The following FLNC variants were observed in gnomAD, a reference collection of about 807,000 sequenced individuals.
FLNC encodes filamin C, also known as filamin-C.
A neutral mutation model predicts 254.3 loss-of-function variants in FLNC; 91 were observed. That is an observed-to-expected ratio of 0.36 (90% confidence interval 0.30 to 0.43). The LOEUF (loss-of-function observed/expected upper bound fraction) is 0.43, where lower values mean the gene tolerates loss of function less well. Among genes scored for constraint, FLNC ranks in the 20% least tolerant of loss-of-function variants. The pLI is 1.00. For missense variants in FLNC, 2,853 were observed against 3,802.6 expected, an observed-to-expected ratio of 0.75 and a Z score of 6.57; for synonymous variants, 1,430 against 1,577.2, an observed-to-expected ratio of 0.91 and a Z score of 2.21.
At chr7:128,834,565 A>G (rs1449685575) in intron 1 of FLNC, among the ~76,000 whole-genome samples, 1 of 138,524 alleles carries the variant, frequency 7.2e-6, no homozygotes, top group Non-Finnish European at 1.5e-5. Context: ...GTCCTACCCC[A>G]CTCCAATTTC....
intron 1 of FLNC, among the ~76,000 whole-genome samples, chr7:128,831,747 A>T (rs1236716489): frequency 6.9e-6 from 1 of 143,996 alleles, no homozygotes; most frequent in Non-Finnish European, 1.5e-5. Flanking sequence ...AGGGAGGGAA[A>T]GGCCTGTGGA....
chr7:128,853,380 C>T, intron 37 of FLNC, 89 bp from the exon 38 acceptor site: 1 of 1,540,154 alleles, frequency 6.5e-7, no homozygotes, highest in South Asian at 1.1e-5. Context: ...GGTGCCCATT[C>T]TGGGTGGAGC....
In FLNC at chr7:128,837,967, A is replaced by G. The variant is rs751696900; in HGVS notation, c.970-20A>G. 27 of 1,610,560 alleles carry G rather than the reference A, an allele frequency of 1.7e-5. No homozygotes were observed. The highest frequency in any genetic ancestry group is 2.2e-5 in the East Asian group (1 of 44,858). ...GCTATGGTCATTGGAGAGGCTTCCA[A>G]TCTTTTTCCTTCCTAATAGGCTAAG... is the stretch of plus-strand genomic sequence containing the variant. On this transcript the variant is annotated intron_variant, in intron 5 of 47. Coordinates refer to ENST00000325888, the MANE Select transcript of FLNC (RefSeq NM_001458.5).
rs1808181668 is a variant in FLNC, at chr7:128,838,253, C to T, written c.1048-14C>T. 6.2e-7 allele frequency: 1 copy of T among 1,613,428 alleles called. No individual in the cohort carries two copies. The highest frequency in any genetic ancestry group is 1.7e-5 in the Admixed American group (1 of 60,012). On this transcript the variant is annotated splice_polypyrimidine_tract_variant and intron_variant, in intron 6 of 47. Coordinates refer to ENST00000325888, the MANE Select transcript of FLNC (RefSeq NM_001458.5). ...CTCTCCCCTAGAAGCTAACCTTTGA[C>T]CTCTGACCCCTAGGTGACCGTGCTC... is the stretch of plus-strand genomic sequence containing the variant.
Position 128,849,506 on chromosome 7 carries a change from C to T in FLNC, c.5127C>T (p.Pro1709=), listed in dbSNP as rs540345016. 104 of 1,614,060 alleles carry T rather than the reference C, an allele frequency of 6.4e-5. No individual in the cohort carries two copies. In the South Asian group the frequency reaches 1.0e-3, roughly 16 times the overall value. The part of the protein sequence containing the change: ...DGTFDIYYTA[P]EPGKYVITIR... ...CCTTTGACATCTACTACACAGCGCC[C>T]GAGCCGGGCAAGTACGTCATCACCA... The change falls in exon 30 of 48, where the codon CCC becomes CCT. Residue 1709 remains proline, a synonymous_variant. Transcript: ENST00000325888.
At position 128,838,053 on chromosome 7, in the gene FLNC, G is replaced by A. The variant is rs2128934339; in HGVS notation, c.1036G>A (p.Gly346Arg). 6.2e-7 allele frequency: 1 copy of A among 1,613,710 alleles called. No homozygotes were observed. The highest frequency in any genetic ancestry group is 8.5e-7 in the Non-Finnish European group (1 of 1,179,732). Residue 346 changes from glycine to arginine, a missense_variant, in exon 6 of 48, where the codon GGG becomes AGG. Gly to Arg is a moderately radical substitution (Grantham distance 125). This residue lies in a region of FLNC where 1,573 missense variants were observed against 1,883.5 expected (regional missense o/e 0.84). Coordinates refer to ENST00000325888, the MANE Select transcript of FLNC (RefSeq NM_001458.5). ...TGTCTCCTATGTGCCCAAGGTCGCT[G>A]GGTTACACAAGGTATCTCCCTCTAG... is the stretch of plus-strand genomic sequence containing the variant. ...YAVSYVPKVA[G>R]LHKVTVLFAG...
rs1341553799 is a variant in FLNC at position 128,858,882 on chromosome 7, G to A, written c.*359G>A. On this transcript the variant is annotated 3_prime_UTR_variant, in exon 48 of 48. Transcript: ENST00000325888. This position sits in a 1 kb window ranked among gnomAD's most constrained non-coding sequence, Gnocchi z 6.7. ...GGGGAGCATTGTGTTGTGGGTGTCT[G>A]TGTGTGAGGTCACCCTCAAACTGCA... The A allele has an allele frequency of 1.4e-5, 5 of 348,652 alleles. No individual in the cohort carries two copies. The East Asian group carries it at 3.0e-4, about 21-fold the overall frequency. 21.6% of individuals were successfully genotyped at this position (348,652 alleles called of 1,614,324 possible). A position where few individuals can be genotyped will look rare whatever the true frequency, so the allele number is the denominator to read the frequency against.
At position 128,837,234 on chromosome 7, in the gene FLNC, G is replaced by A. The variant is rs745775171; in HGVS notation, c.676G>A (p.Asp226Asn). ...CGCCCGGGAGGCCATGCAGCAGGCC[G>A]ACGACTGGCTTGGGGTGCCCCAGGT... ...ENAREAMQQA[D>N]DWLGVPQVIA... Residue 226 changes from aspartate (D) to asparagine (N), a missense_variant, in exon 3 of 48, where the codon GAC (aspartate) becomes AAC (asparagine). Transcript: ENST00000325888. The A allele has an allele frequency of 8.2e-6, 13 of 1,590,024 alleles. No individual in the cohort carries two copies. In the East Asian group the frequency reaches 9.1e-5, roughly 11 times the overall value.
In FLNC at chr7:128,830,956, C is replaced by T. The variant is rs1355522455; in HGVS notation, c.319C>T (p.Leu107Phe). 6.2e-7 allele frequency: 1 copy of T among 1,610,690 alleles called. No individual in the cohort carries two copies. Among genetic ancestry groups the T allele is most frequent in the South Asian group, 1.1e-5 (1 of 91,086 alleles). Residue 107 changes from leucine (L) to phenylalanine (F), a missense_variant, in exon 1 of 48, where the codon CTC (leucine) becomes TTC (phenylalanine). By Grantham distance (22) the Leu-to-Phe change is conservative. Around this residue, in one of 10 missense-constraint regions of FLNC, gnomAD observed 115 missense variants for 230.3 expected, o/e 0.50. Coordinates refer to ENST00000325888, the MANE Select transcript of FLNC (RefSeq NM_001458.5). ...LENVSVALEF[L>F]EREHIKLVSI... Reference sequence around the variant, plus strand: ...GAACGTGTCCGTGGCCCTCGAGTTCCTCGAGCGCGAGCACATCAAGCTCGT... The same window carrying T: ...GAACGTGTCCGTGGCCCTCGAGTTCTTCGAGCGCGAGCACATCAAGCTCGT...
chr7:128,855,166 C>A, intron 42 of FLNC, 33 bp from the exon 43 acceptor site: 1 of 1,493,208 alleles, frequency 6.7e-7, no homozygotes, highest in South Asian at 1.1e-5. Flanking sequence ...AACCTCCATC[C>A]CGGAACCTGT....
chr7:128,836,856 G>A lies in FLNC; in HGVS notation c.602-304G>A, dbSNP rs1015287359. The stretch of plus-strand genomic sequence containing the variant: ...ATAGCGAGAGGGGGTACCCTCCCAG[G>A]GTTTGGGGTTCAAGGTCTGAGCTGG... On this transcript the variant is annotated intron_variant, in intron 2 of 47. Transcript: ENST00000325888. The surrounding 1 kb of genome is among the most constrained non-coding windows in gnomAD (Gnocchi z 6.0). Among the ~76,000 whole-genome samples, 1 of 152,196 alleles carries A rather than the reference G, an allele frequency of 6.6e-6. No individual in the cohort carries two copies. The highest frequency in any genetic ancestry group is 2.4e-5 in the African/African-American group (1 of 41,452).
In FLNC at chr7:128,840,899, T is replaced by C. The variant is rs751485986; in HGVS notation, c.1742T>C (p.Leu581Ser). 1.9e-6 allele frequency: 3 copies of C among 1,613,450 alleles called. 1 individual carries two copies. In the South Asian group the frequency reaches 3.3e-5, roughly 18 times the overall value. ...AAGGTCCGGGCCTGGGGTCCTGGTT[T>C]GGAGACTGGCCAGGTGGGCAAGTCA... The part of the protein sequence containing the change: ...VQKVRAWGPG[L>S]ETGQVGKSAD... The change falls in exon 11 of 48, where the codon TTG becomes TCG. Residue 581 changes from leucine (L) to serine (S), a missense_variant. Physicochemically the swap from Leu to Ser is moderately radical, Grantham distance 145. Coordinates refer to ENST00000325888, the MANE Select transcript of FLNC (RefSeq NM_001458.5).
In FLNC at chr7:128,858,557, C is replaced by T. The variant is rs753462460; in HGVS notation, c.*34C>T. The T allele has an allele frequency of 2.9e-5, 42 of 1,450,548 alleles. No individual in the cohort carries two copies. The African/African-American group carries it at 5.5e-4, about 19-fold the overall frequency. 89.9% of individuals were successfully genotyped at this position (1,450,548 alleles called of 1,614,324 possible). A position where few individuals can be genotyped will look rare whatever the true frequency, so the allele number is the denominator to read the frequency against. On this transcript the variant is annotated 3_prime_UTR_variant, in exon 48 of 48. Coordinates refer to ENST00000325888, the MANE Select transcript of FLNC (RefSeq NM_001458.5). This position sits in a 1 kb window ranked among gnomAD's most constrained non-coding sequence, Gnocchi z 6.7. Reference sequence around the variant, plus strand: ...AGTGCCTCCCCAGCCTCAGCCCCCACCTCCAGCCACACACACATTACACAC... The same window carrying T: ...AGTGCCTCCCCAGCCTCAGCCCCCATCTCCAGCCACACACACATTACACAC...
Position 128,857,200 on chromosome 7 carries a change from G to T in FLNC, c.7644G>T (p.Val2548=), listed in dbSNP as rs1249860446. ...TCACCATTGATGGCCCCTCCAAGGT[G>T]CAGCTGGACTGTCGGGAGTGTCCTG... ...LSVTIDGPSK[V]QLDCRECPEG... is the part of the protein sequence containing the mutation. Residue 2548 remains valine, a synonymous_variant, in exon 46 of 48, where the codon GTG becomes GTT. Transcript: ENST00000325888. The surrounding 1 kb of genome is among the most constrained non-coding windows in gnomAD (Gnocchi z 4.5). The T allele has an allele frequency of 2.5e-6, 4 of 1,614,028 alleles. No homozygotes were observed. The highest frequency in any genetic ancestry group is 3.4e-6 in the Non-Finnish European group (4 of 1,180,016).
intron 25 of FLNC, 27 bp downstream of exon 25, chr7:128,847,891 G>C: frequency 6.2e-7 from 1 of 1,613,874 alleles, no homozygotes; most frequent in South Asian, 1.1e-5. Context: ...GCAGGGAGGA[G>C]GGAGGTGGGG....
intron 1 of FLNC, among the ~76,000 whole-genome samples, chr7:128,834,142 A>T (rs1421033680): frequency 1.3e-5 from 2 of 152,238 alleles, no homozygotes; most frequent in Non-Finnish European, 2.9e-5. Flanking sequence ...AGTAAACAAG[A>T]CTGTCTTCCA....
Position 128,846,116 on chromosome 7 carries a change from A to G in FLNC, c.3917A>G (p.Asp1306Gly). 6.2e-7 allele frequency: 1 copy of G among 1,614,018 alleles called. No individual in the cohort carries two copies. Among genetic ancestry groups the G allele is most frequent in the Admixed American group, 1.7e-5 (1 of 60,022 alleles). ...GCCAAGACAGACACCTATGTGACAGACAATGGGGACGGCACCTACCGAGTG... is the reference window on the plus strand; with the variant it reads ...GCCAAGACAGACACCTATGTGACAGGCAATGGGGACGGCACCTACCGAGTG... ...SGAKTDTYVTDNGDGTYRVQY... is the reference protein window; with the variant it reads ...SGAKTDTYVTGNGDGTYRVQY... The change falls in exon 22 of 48, where the codon GAC becomes GGC. Residue 1306 changes from aspartate (D) to glycine (G), a missense_variant. By Grantham distance (94) the Asp-to-Gly change is moderately conservative. Transcript: ENST00000325888.
chr7:128,831,384 C>T (rs1252067511), intron 1 of FLNC, among the ~76,000 whole-genome samples: 1 of 152,252 alleles, frequency 6.6e-6, no homozygotes, highest in African/African-American at 2.4e-5. Flanking sequence ...CTCCCCGCCC[C>T]CAACAAAACA....
chr7:128,856,505 G>C lies in FLNC; in HGVS notation c.7252-13G>C. 1 of 1,610,940 alleles carries C rather than the reference G, an allele frequency of 6.2e-7. No individual in the cohort carries two copies. The highest frequency in any genetic ancestry group is 8.5e-7 in the Non-Finnish European group (1 of 1,180,002). On this transcript the variant is annotated splice_polypyrimidine_tract_variant and intron_variant, in intron 43 of 47. Transcript: ENST00000325888. This position sits in a 1 kb window ranked among gnomAD's most constrained non-coding sequence, Gnocchi z 5.9. The stretch of plus-strand genomic sequence containing the variant: ...CCTCCCAGGAGTCTGAGCATCCTCC[G>C]TGGCCTTTGCAGGAGACGGGGCTCA...
Sources: allele counts gnomAD v4.1 joint callset (sites outside exome capture counted in the v4.1 genomes callset), GRCh38; gene constraint gnomAD v4.1.1; regional missense constraint gnomAD v4.1.1; non-coding constraint Gnocchi (gnomAD v3.1); transcripts MANE v1.5; gene names NCBI Gene and HGNC (gene_info 2026-07-23, HGNC 2026-07-21).